SCUBE1: variants seen among roughly 807,000 people sequenced by gnomAD.
The protein encoded by SCUBE1 is signal peptide, CUB domain and EGF like domain containing 1.
Under a neutral mutation model 124.4 loss-of-function variants are expected in SCUBE1, and 59 were observed. The observed-to-expected ratio is 0.47, with a 90% CI of 0.38 to 0.59. SCUBE1 has a LOEUF of 0.59. SCUBE1 is among the 20% of genes least tolerant of loss of function. SCUBE1 has a pLI of 0.00. For synonymous variants in SCUBE1, 545 were observed against 550.9 expected (o/e 0.99, Z 0.15); for missense variants, 1,150 against 1,371.2 (o/e 0.84, Z 2.55).
At chr22:43,208,937 C>G (rs1921417333) in intron 19 of SCUBE1, among the ~76,000 whole-genome samples, 1 of 151,782 alleles carries the variant, frequency 6.6e-6, no homozygotes, top group Non-Finnish European at 1.5e-5. Flanking sequence ...CCGAGGAGCC[C>G]TTCATGGGGG....
Position 43,210,256 on chromosome 22 carries a change from C to T in SCUBE1, c.2384-16G>A, listed in dbSNP as rs1301715481. Reference sequence around the variant, plus strand: ...CAGTGCTGGTCTGTGGGCACAGTGGCCCGAGGGCCTCATCAGGCTCTGCTG... The same window carrying T: ...CAGTGCTGGTCTGTGGGCACAGTGGTCCGAGGGCCTCATCAGGCTCTGCTG... On this transcript the variant is annotated splice_polypyrimidine_tract_variant and intron_variant, in intron 18 of 21. Transcript: ENST00000360835. The surrounding 1 kb of genome is among the most constrained non-coding windows in gnomAD (Gnocchi z 4.5). 6.7e-7 allele frequency: 1 copy of T among 1,502,202 alleles called. No individual in the cohort carries two copies. Among genetic ancestry groups the T allele is most frequent in the Non-Finnish European group, 8.9e-7 (1 of 1,128,556 alleles). The allele number at this position is 1,502,202 out of a possible 1,614,324, so 93.1% of individuals were successfully genotyped here. A position where few individuals can be genotyped will look rare whatever the true frequency, so the allele number is the denominator to read the frequency against.
In SCUBE1 at chr22:43,281,453, TCTCCCTCAGCCACCCTCCTGTCAC is replaced by T. The variant is rs1178806509; in HGVS notation, c.484+9569_484+9592del. Among the ~76,000 whole-genome samples the T allele has an allele frequency of 1.6e-3, 67 of 41,156 alleles. 2 individuals carry two copies. Among genetic ancestry groups the T allele is most frequent in the Admixed American group, 2.3e-3 (11 of 4,788 alleles). The allele number at this position is 41,156 out of a possible 152,430, so 27.0% of individuals were successfully genotyped here. A position where few individuals can be genotyped will look rare whatever the true frequency, so the allele number is the denominator to read the frequency against. ...ACCTCCCTTGGCCACCCTCCTGTCA[TCTCCCTCAGCCACCCTCCTGTCAC>T]CTCCCTCTTTGGCCACCCTCCTGTC... is the stretch of plus-strand genomic sequence containing the variant. On this transcript the variant is annotated intron_variant, in intron 4 of 21. Coordinates refer to ENST00000360835, the MANE Select transcript of SCUBE1 (RefSeq NM_173050.5).
chr22:43,210,069 C>T lies in SCUBE1; in HGVS notation c.2555G>A (p.Gly852Asp). The T allele has an allele frequency of 6.2e-7, 1 of 1,612,036 alleles. No homozygotes were observed. The highest frequency in any genetic ancestry group is 1.1e-5 in the South Asian group (1 of 90,944). The change falls in exon 19 of 22, where the codon GGC becomes GAC. Residue 852 changes from glycine to aspartate, a missense_variant. Gly to Asp is a moderately conservative substitution (Grantham distance 94, BLOSUM62 -1). This residue lies in a region of SCUBE1 where 757 missense variants were observed against 840.9 expected (regional missense o/e 0.90). Transcript: ENST00000360835. The surrounding 1 kb of genome is among the most constrained non-coding windows in gnomAD (Gnocchi z 4.5). ...EIFLPIEDEC[G>D]DVLVMRKSAS... ...ACTCTTCCTCATGACCAGAACATCG[C>T]CGCACTCATCCTCGATGGGCAGGAA...
At chr22:43,237,147 C>A (rs1922801953) in intron 7 of SCUBE1, among the ~76,000 whole-genome samples, 1 of 152,124 alleles carries the variant, frequency 6.6e-6, no homozygotes, top group Non-Finnish European at 1.5e-5. Flanking sequence ...GTGGACATCA[C>A]TCCTGAGCGC....
At chr22:43,309,728 C>T (rs538122870) in intron 3 of SCUBE1, among the ~76,000 whole-genome samples, 1 of 152,222 alleles carries the variant, frequency 6.6e-6, no homozygotes, top group East Asian at 1.9e-4. Flanking sequence ...GTCTGTCCTC[C>T]CCCTAGCCTT....
chr22:43,271,933 G>A lies in SCUBE1; in HGVS notation c.485-9088C>T, dbSNP rs7289174. ...CTCACCGGACAGGTGAGGATGCTGA[G>A]GCTTAGACAGATCAAGAGACTTGCC... On this transcript the variant is annotated intron_variant, in intron 4 of 21. Transcript: ENST00000360835. Among the ~76,000 whole-genome samples the A allele has an allele frequency of 6.7e-3, 1,025 of 152,302 alleles. 12 individuals carry two copies. Among genetic ancestry groups the A allele is most frequent in the African/African-American group, 0.023 (972 of 41,568 alleles).
chr22:43,254,946 G>C (rs976145291), intron 6 of SCUBE1, among the ~76,000 whole-genome samples: 2 of 152,238 alleles, frequency 1.3e-5, no homozygotes, highest in African/African-American at 2.4e-5. Flanking sequence ...CCTCTGAGAA[G>C]TAGGTGGCTT....
intron 21 of SCUBE1, among the ~76,000 whole-genome samples, chr22:43,205,583 ACACCACACACCCACT>A (rs1008751851): frequency 7.4e-5 from 11 of 148,212 alleles, no homozygotes; most frequent in Non-Finnish European, 1.5e-4. Flanking sequence ...ACCACACCCC[ACACCACACACCCACT>A]CACCACACAC....
At chr22:43,330,882 C>T in intron 2 of SCUBE1, among the ~76,000 whole-genome samples, 1 of 152,200 alleles carries the variant, frequency 6.6e-6, no homozygotes, top group East Asian at 1.9e-4. Context: ...TCATCTTCGG[C>T]AGAGCACACG....
At chr22:43,219,932 T>C (rs1174590327) in intron 14 of SCUBE1, among the ~76,000 whole-genome samples, 6 of 151,904 alleles carry the variant, frequency 3.9e-5, no homozygotes, top group Admixed American at 3.9e-4. Context: ...GTGGGGACTT[T>C]TCTTTCCACA....
chr22:43,310,577 G>A lies in SCUBE1; in HGVS notation c.349+9360C>T, dbSNP rs144173569. Among the ~76,000 whole-genome samples the A allele has an allele frequency of 2.1e-3, 324 of 152,316 alleles. 1 individual carries two copies. Among genetic ancestry groups the A allele is most frequent in the African/African-American group, 7.6e-3 (316 of 41,576 alleles). ...TCCCCAGCTTTCAAGTCTCCCAGCT[G>A]AGGCCCCAGACACCGTGGAGCAGAG... On this transcript the variant is annotated intron_variant, in intron 3 of 21. Transcript: ENST00000360835.
At chr22:43,266,006 C>G (rs887825556) in intron 4 of SCUBE1, among the ~76,000 whole-genome samples, 15 of 152,000 alleles carry the variant, frequency 9.9e-5, no homozygotes, top group African/African-American at 2.2e-4. Context: ...GAGGCTGAGG[C>G]AGAAGAATTG....
At chr22:43,225,768 T>C (rs1387298373) in intron 10 of SCUBE1, among the ~76,000 whole-genome samples, 1 of 152,084 alleles carries the variant, frequency 6.6e-6, no homozygotes, top group Non-Finnish European at 1.5e-5. Context: ...TCTTGCCCTT[T>C]GGAGGCAGGT....
intron 3 of SCUBE1, among the ~76,000 whole-genome samples, chr22:43,319,399 T>C (rs1047964350): frequency 1.3e-5 from 2 of 151,820 alleles, no homozygotes; most frequent in Non-Finnish European, 2.9e-5. Context: ...ACTCAGTCTC[T>C]ACTAAAAATA....
intron 4 of SCUBE1, among the ~76,000 whole-genome samples, chr22:43,281,375 T>C (rs377694644): frequency 4.6e-4 from 14 of 30,144 alleles, no homozygotes; most frequent in East Asian, 8.8e-3. Context: ...TGGCCACCCT[T>C]CTGTCATCTC....
intron 4 of SCUBE1, among the ~76,000 whole-genome samples, chr22:43,266,658 C>T (rs1017190136): frequency 6.6e-6 from 1 of 152,194 alleles, no homozygotes; most frequent in Non-Finnish European, 1.5e-5. Context: ...GTTCTCCTAC[C>T]TTGGGGTCAC....
At chr22:43,275,041 G>A (rs922621544) in intron 4 of SCUBE1, among the ~76,000 whole-genome samples, 2 of 152,246 alleles carry the variant, frequency 1.3e-5, no homozygotes, top group South Asian at 2.1e-4. Flanking sequence ...ACGTGTGGGC[G>A]ATCTGTGATG....
Position 43,296,995 on chromosome 22 carries a change from G to A in SCUBE1, c.350-5815C>T, listed in dbSNP as rs192149345. 2.3e-3 allele frequency among the ~76,000 whole-genome samples: 344 copies of A among 152,340 alleles called. 5 individuals carry two copies. Among genetic ancestry groups the A allele is most frequent in the Non-Finnish European group, 3.2e-4 (22 of 68,028 alleles). On this transcript the variant is annotated intron_variant, in intron 3 of 21. Coordinates refer to ENST00000360835, the MANE Select transcript of SCUBE1 (RefSeq NM_173050.5). ...GCAGAGCTGGGGGAGGTCAGAGGTG[G>A]GAGAAGGGAAGGACAGGAGTCAAGA...
rs1420941979 is a variant in SCUBE1, at chr22:43,205,761, A to C, written c.2815-1612T>G. On this transcript the variant is annotated intron_variant, in intron 21 of 21. Transcript: ENST00000360835. ...ACACGCCCACTCACCACTCACCCAC[A>C]CACACACCACCCACTCACCACACAC... 4.1e-5 allele frequency among the ~76,000 whole-genome samples: 3 copies of C among 73,850 alleles called. 1 individual carries two copies. Among genetic ancestry groups the C allele is most frequent in the Non-Finnish European group, 7.3e-5 (3 of 40,912 alleles). 48.4% of individuals were successfully genotyped at this position (73,850 alleles called of 152,430 possible).
Sources: allele counts gnomAD v4.1 joint callset (sites outside exome capture counted in the v4.1 genomes callset), GRCh38; gene constraint gnomAD v4.1.1; regional missense constraint gnomAD v4.1.1; non-coding constraint Gnocchi (gnomAD v3.1); transcripts MANE v1.5; gene names NCBI Gene and HGNC (gene_info 2026-07-23, HGNC 2026-07-21).